FCRL2: variants seen among roughly 807,000 people sequenced by gnomAD.
FCRL2 encodes the protein Fc receptor-like protein 2.
In FCRL2, 48 loss-of-function variants were observed where a neutral mutation model predicts 59.8. The observed-to-expected ratio is 0.80, with a 90% CI of 0.64 to 1.02. The LOEUF (loss-of-function observed/expected upper bound fraction) is 1.02, where lower values mean the gene tolerates loss of function less well. Ranked by LOEUF, FCRL2 falls within the 50% of genes least tolerant of loss-of-function variation. The pLI is 0.00. For missense variants in FCRL2, 658 were observed against 597.3 expected, an observed-to-expected ratio of 1.10 and a Z score of -1.06; for synonymous variants, 251 against 229.5, an observed-to-expected ratio of 1.09 and a Z score of -0.85.
At chr1:157,769,594 A>C (rs913659387) in intron 4 of FCRL2, 2 of 270,872 alleles carry the variant, frequency 7.4e-6, no homozygotes, top group African/African-American at 4.3e-5. Context: ...AGCCCAGCTA[A>C]TTTTTTGTAT....
intron 5 of FCRL2, chr1:157,767,954 T>C (rs1649654421): frequency 7.2e-6 from 2 of 276,004 alleles, no homozygotes; most frequent in South Asian, 1.8e-4. Flanking sequence ...TGGAAATGGC[T>C]ACTTGGCTAC....
At position 157,770,438 on chromosome 1, in the gene FCRL2, G is replaced by C. The variant is rs1178375764; in HGVS notation, c.281C>G (p.Thr94Ser). Reference protein sequence around the residue: ...TKGQLFLWDKTSNIVKIKVQE... With the variant: ...TKGQLFLWDKSSNIVKIKVQE... Reference sequence around the variant, plus strand: ...GACTTTTATCTTTACTATATTTGAAGTTTTATCCCAGAGAAAGAGTTGTCC... The same window carrying C: ...GACTTTTATCTTTACTATATTTGAACTTTTATCCCAGAGAAAGAGTTGTCC... Residue 94 changes from threonine to serine, a missense_variant, in exon 3 of 12, where the codon ACT (threonine) becomes AGT (serine). Physicochemically the swap from Thr to Ser is moderately conservative, Grantham distance 58 (BLOSUM62 1). Coordinates refer to ENST00000361516, the MANE Select transcript of FCRL2 (RefSeq NM_030764.4). 1 of 1,613,938 alleles carries C rather than the reference G, an allele frequency of 6.2e-7. No homozygotes were observed. Among genetic ancestry groups the C allele is most frequent in the African/African-American group, 1.3e-5 (1 of 74,976 alleles).
At chr1:157,773,513 C>G (rs957869276) in intron 2 of FCRL2, among the ~76,000 whole-genome samples, 1 of 152,182 alleles carries the variant, frequency 6.6e-6, no homozygotes, top group Non-Finnish European at 1.5e-5. Context: ...GTCAAACCCT[C>G]TGAGAGTGAT....
chr1:157,760,698 G>GGAAAGAAATAAA (rs1648979246), intron 7 of FCRL2, among the ~76,000 whole-genome samples: 1 of 97,206 alleles, frequency 1.0e-5, no homozygotes, highest in East Asian at 2.9e-4. Context: ...AAAGAAAGAA[G>GGAAAGAAATAAA]GAAAGAAAGA....
intron 7 of FCRL2, among the ~76,000 whole-genome samples, chr1:157,753,181 C>T (rs1648328241): frequency 6.6e-6 from 1 of 152,110 alleles, no homozygotes; most frequent in African/African-American, 2.4e-5. Context: ...CTTCCCCATA[C>T]CAGTCAATTT....
chr1:157,766,883 CA>C lies in FCRL2; in HGVS notation c.1250del (p.Leu417ArgfsTer52), dbSNP rs1557864621. On this transcript the variant is annotated frameshift_variant, in exon 7 of 12. Coordinates refer to ENST00000361516, the MANE Select transcript of FCRL2 (RefSeq NM_030764.4). LOFTEE classifies it high-confidence loss of function. Reference sequence around the variant, plus strand: ...ATATCTTGTGGAACAAGGCATACAACAGCAAAGCAACACCAGTGAAACCAAG... The same window carrying C: ...ATATCTTGTGGAACAAGGCATACAACGCAAAGCAACACCAGTGAAACCAAG... ...GVLGFTGVAL[L>X]LYALFHKISG... 1.2e-6 allele frequency: 2 copies of C among 1,614,146 alleles called. No homozygotes were observed. The highest frequency in any genetic ancestry group is 1.7e-6 in the Non-Finnish European group (2 of 1,180,034).
At chr1:157,757,097 A>G (rs1255650788) in intron 7 of FCRL2, among the ~76,000 whole-genome samples, 1 of 152,236 alleles carries the variant, frequency 6.6e-6, no homozygotes, top group Non-Finnish European at 1.5e-5. Flanking sequence ...AGAGGTAGAC[A>G]CTTTTTCTCT....
At chr1:157,754,869 G>C (rs1557856268) in intron 7 of FCRL2, among the ~76,000 whole-genome samples, 1 of 151,950 alleles carries the variant, frequency 6.6e-6, no homozygotes, top group Non-Finnish European at 1.5e-5. Context: ...AGGAGGCCGA[G>C]GTAGGAGTAT....
intron 8 of FCRL2, among the ~76,000 whole-genome samples, chr1:157,749,172 T>C (rs895323060): frequency 6.6e-6 from 1 of 150,800 alleles, no homozygotes; most frequent in Admixed American, 6.7e-5. Context: ...AATAAGACAA[T>C]GATATTGCTC....
intron 1 of FCRL2, 32 bp from the exon 2 acceptor site, chr1:157,775,827 C>T (rs765607706): frequency 1.2e-5 from 20 of 1,612,966 alleles, no homozygotes; most frequent in Non-Finnish European, 1.7e-5. Context: ...GAGATTAGCA[C>T]ACAGCATTTG....
chr1:157,766,170 A>C (rs1433297923), intron 7 of FCRL2, among the ~76,000 whole-genome samples: 1 of 152,216 alleles, frequency 6.6e-6, no homozygotes, highest in Non-Finnish European at 1.5e-5. Flanking sequence ...AAAAGAGCAC[A>C]TTAAATTGTT....
chr1:157,754,921 G>A (rs979679512), intron 7 of FCRL2, among the ~76,000 whole-genome samples: 1 of 151,438 alleles, frequency 6.6e-6, no homozygotes, highest in Non-Finnish European at 1.5e-5. Flanking sequence ...ATCCGAGATT[G>A]CACCACTGCA....
rs143605157 is a variant in FCRL2, at chr1:157,748,905, T to C, written c.1363A>G (p.Met455Val). Reference sequence around the variant, plus strand: ...ACATACACTGGCTGCAGCTCCTCCATGTCTGGGGTTGGGCTTGAATAGGTG... The same window carrying C: ...ACATACACTGGCTGCAGCTCCTCCACGTCTGGGGTTGGGCTTGAATAGGTG... ...EFTYSSPTPD[M>V]EELQPVYVNV... The change falls in exon 9 of 12, where the codon ATG (methionine) becomes GTG (valine). Residue 455 changes from methionine (M) to valine (V), a missense_variant. By Grantham distance (21) the Met-to-Val change is conservative. Coordinates refer to ENST00000361516, the MANE Select transcript of FCRL2 (RefSeq NM_030764.4). The C allele has an allele frequency of 5.6e-6, 9 of 1,613,768 alleles. No individual in the cohort carries two copies. In the African/African-American group the frequency reaches 9.3e-5, roughly 17 times the overall value.
Position 157,746,755 on chromosome 1 carries a change from GAGT to G in FCRL2, c.1505_1507del (p.Tyr502del). 6.2e-7 allele frequency: 1 copy of G among 1,613,964 alleles called. No homozygotes were observed. The highest frequency in any genetic ancestry group is 8.5e-7 in the Non-Finnish European group (1 of 1,179,862). On this transcript the variant is annotated inframe_deletion, in exon 12 of 12. Transcript: ENST00000361516. ...CAAGTGTTATGATTTCTTCACAGAAGAGTAGATGACTTGGGAGTCCTGGGAGAG... is the reference window on the plus strand; with the variant it reads ...CAAGTGTTATGATTTCTTCACAGAAGAGATGACTTGGGAGTCCTGGGAGAG...
At chr1:157,766,299 G>C (rs998648660) in intron 7 of FCRL2, among the ~76,000 whole-genome samples, 3 of 152,102 alleles carry the variant, frequency 2.0e-5, no homozygotes, top group East Asian at 1.9e-4. Flanking sequence ...GTGAAACCCT[G>C]TCTCTACTAA....
At chr1:157,763,519 T>TC (rs373992409) in intron 7 of FCRL2, among the ~76,000 whole-genome samples, 81 of 151,638 alleles carry the variant, frequency 5.3e-4, no homozygotes, top group African/African-American at 1.9e-3. Flanking sequence ...GAGTGAAAAC[T>TC]CCATCTCAAA....
rs1238448881 is a variant in FCRL2, at chr1:157,768,317, C to T, written c.883+97G>A. The stretch of plus-strand genomic sequence containing the variant: ...AAATTGCTTTTGGTTCTCCACAGCA[C>T]TAATCCCTGGGGCCTCCTGAAATTT... On this transcript the variant is annotated intron_variant, in intron 5 of 11. Coordinates refer to ENST00000361516, the MANE Select transcript of FCRL2 (RefSeq NM_030764.4). 5 of 1,331,720 alleles carry T rather than the reference C, an allele frequency of 3.8e-6. No homozygotes were observed. In the East Asian group the frequency reaches 9.2e-5, roughly 25 times the overall value. The allele number at this position is 1,331,720 out of a possible 1,614,324, so 82.5% of individuals were successfully genotyped here.
intron 2 of FCRL2, 112 bp downstream of exon 2, chr1:157,775,663 G>A: frequency 8.6e-7 from 1 of 1,165,356 alleles, no homozygotes; most frequent in Non-Finnish European, 1.3e-6. Context: ...CTAGAGGGCA[G>A]TAATATTAGG....
chr1:157,757,678 G>T (rs542645180), intron 7 of FCRL2, among the ~76,000 whole-genome samples: 13 of 152,234 alleles, frequency 8.5e-5, no homozygotes, highest in African/African-American at 3.1e-4. Context: ...AATTAATTTT[G>T]GGGGCTGGGC....
Sources: allele counts gnomAD v4.1 joint callset (sites outside exome capture counted in the v4.1 genomes callset), GRCh38; gene constraint gnomAD v4.1.1; transcripts MANE v1.5; gene names NCBI Gene and HGNC (gene_info 2026-07-23, HGNC 2026-07-21).